LY75: variants seen among roughly 807,000 people sequenced by gnomAD.
The protein encoded by LY75 is lymphocyte antigen 75.
LY75 carries 185 observed loss-of-function variants against 231.7 expected under a neutral mutation model. That is an observed-to-expected ratio of 0.80 (90% CI 0.71 to 0.90). The LOEUF (loss-of-function observed/expected upper bound fraction) is 0.90. Ranked by LOEUF, LY75 falls within the 40% of genes least tolerant of loss-of-function variation. LY75 has a pLI of 0.00. For missense variants in LY75, 1,947 were observed against 2,050.2 expected (o/e 0.95, Z 0.97); for synonymous variants, 668 against 689.0 (o/e 0.97, Z 0.48).
At chr2:159,828,851 G>T (rs988358169) in intron 28 of LY75, among the ~76,000 whole-genome samples, 2 of 152,142 alleles carry the variant, frequency 1.3e-5, no homozygotes, top group African/African-American at 2.4e-5. Context: ...CTACAATGTG[G>T]ATAAACCTTA....
chr2:159,897,607 G>T (rs578239753), intron 2 of LY75, among the ~76,000 whole-genome samples: 1 of 152,290 alleles, frequency 6.6e-6, no homozygotes, highest in East Asian at 1.9e-4. Flanking sequence ...GAAAGTATGG[G>T]AGCAAGCTGC....
At chr2:159,859,487 T>A (rs189354927) in intron 15 of LY75, among the ~76,000 whole-genome samples, 176 of 152,336 alleles carry the variant, frequency 1.2e-3, no homozygotes, top group African/African-American at 3.7e-3. Flanking sequence ...GCCCTTTTTT[T>A]AAAAATATAC....
At chr2:159,865,795 G>A (rs944838735) in intron 13 of LY75, among the ~76,000 whole-genome samples, 1 of 152,100 alleles carries the variant, frequency 6.6e-6, no homozygotes, top group African/African-American at 2.4e-5. Flanking sequence ...TGGCCAAGAG[G>A]AAGAAGGGTA....
chr2:159,898,991 C>T lies in LY75; in HGVS notation c.163G>A (p.Val55Ile), dbSNP rs770632722. The change falls in exon 2 of 35, where the codon GTA becomes ATA. Residue 55 changes from valine (V) to isoleucine (I), a missense_variant. Physicochemically the swap from Val to Ile is conservative, Grantham distance 29 (BLOSUM62 3). Coordinates refer to ENST00000263636, the MANE Select transcript of LY75 (RefSeq NM_002349.4). ...KCIKPVYGWI[V>I]ADDCDETEDK... is the part of the protein sequence containing the mutation. ...TCAGTTTCATCACAGTCGTCTGCTA[C>T]TATCCAGCCATACACTGGCTTGATG... 2 of 1,614,258 alleles carry T rather than the reference C, an allele frequency of 1.2e-6. No homozygotes were observed. The highest frequency in any genetic ancestry group is 1.7e-6 in the Non-Finnish European group (2 of 1,180,044).
chr2:159,876,545 A>G lies in LY75; in HGVS notation c.1775-902T>C, dbSNP rs182849868. 8.2e-4 allele frequency among the ~76,000 whole-genome samples: 125 copies of G among 152,250 alleles called. 1 individual carries two copies. The highest frequency in any genetic ancestry group is 2.9e-3 in the African/African-American group (119 of 41,520). ...CAGTCCTTCTATCCACGGTGTGCCC[A>G]TGATAGACCAAGTTGGCTGAGGATG... On this transcript the variant is annotated intron_variant, in intron 11 of 34. Coordinates refer to ENST00000263636, the MANE Select transcript of LY75 (RefSeq NM_002349.4).
intron 25 of LY75, among the ~76,000 whole-genome samples, chr2:159,840,065 T>A (rs1272194594): frequency 6.8e-6 from 1 of 146,612 alleles, no homozygotes. Context: ...TTTAACACTA[T>A]CCATAGTGCT....
At position 159,803,464 on chromosome 2, in the gene LY75, T is replaced by C. The variant is rs936904389; in HGVS notation, c.*1580A>G. 1.3e-5 allele frequency: 2 copies of C among 152,186 alleles called. No homozygotes were observed. Among genetic ancestry groups the C allele is most frequent in the Non-Finnish European group, 2.9e-5 (2 of 68,038 alleles). 9.4% of individuals were successfully genotyped at this position (152,186 alleles called of 1,614,324 possible). A position where few individuals can be genotyped will look rare whatever the true frequency, so the allele number is the denominator to read the frequency against. On this transcript the variant is annotated 3_prime_UTR_variant, in exon 35 of 35. Transcript: ENST00000263636. ...GTTCTTGGAGGAAAGTCTTAGTGACTAAAATTGTACACAGATCACAGGACA... is the reference window on the plus strand; with the variant it reads ...GTTCTTGGAGGAAAGTCTTAGTGACCAAAATTGTACACAGATCACAGGACA...
At position 159,893,974 on chromosome 2, in the gene LY75, A is replaced by G. The variant is rs1314158520; in HGVS notation, c.577T>C (p.Trp193Arg). Residue 193 changes from tryptophan (W) to arginine (R), a missense_variant, in exon 3 of 35, where the codon TGG becomes CGG. Trp to Arg is a moderately radical substitution (Grantham distance 101). Coordinates refer to ENST00000263636, the MANE Select transcript of LY75 (RefSeq NM_002349.4). ...CILDEDHSGP[W>R]CATTLNYEYD... Reference sequence around the variant, plus strand: ...TCATAATTTAAGGTGGTGGCACACCATGGCCCACTATGATCTTCATCAAGA... The same window carrying G: ...TCATAATTTAAGGTGGTGGCACACCGTGGCCCACTATGATCTTCATCAAGA... 5.6e-6 allele frequency: 9 copies of G among 1,613,808 alleles called. No homozygotes were observed. Among genetic ancestry groups the G allele is most frequent in the Non-Finnish European group, 7.6e-6 (9 of 1,179,882 alleles).
chr2:159,852,261 G>A lies in LY75; in HGVS notation c.2823C>T (p.Tyr941=), dbSNP rs749860011. ...GCACTTTAGCTGCAGAATCTGGGCT[G>A]TATTTCTCTAACGAAGAAACATTAT... ...EKYNVSSLEK[Y]SPDSAAKVQC... is the part of the protein sequence containing the mutation. Residue 941 remains tyrosine, a synonymous_variant, in exon 21 of 35, where the codon TAC becomes TAT. Transcript: ENST00000263636. 5.6e-6 allele frequency: 9 copies of A among 1,613,930 alleles called. No homozygotes were observed. In the East Asian group the frequency reaches 1.6e-4, roughly 28 times the overall value.
At chr2:159,830,219 T>C (rs1159133410) in intron 28 of LY75, among the ~76,000 whole-genome samples, 2 of 152,188 alleles carry the variant, frequency 1.3e-5, no homozygotes, top group South Asian at 2.1e-4. Context: ...AAGAAACAGA[T>C]GGGTTAGAGA....
intron 28 of LY75, among the ~76,000 whole-genome samples, chr2:159,821,497 T>C (rs1683286721): frequency 6.6e-6 from 1 of 151,358 alleles, no homozygotes; most frequent in Non-Finnish European, 1.5e-5. Context: ...TTGTCTGTAA[T>C]ACCAGGTACT....
At position 159,878,704 on chromosome 2, in the gene LY75, T is replaced by C; in HGVS notation, c.1533A>G (p.Gly511=). The change falls in exon 10 of 35, where the codon GGA becomes GGG. Residue 511 remains glycine (G), a synonymous_variant. Coordinates refer to ENST00000263636, the MANE Select transcript of LY75 (RefSeq NM_002349.4). ...CCTCATAAATCTTGTAACAGGTTTC[T>C]CCATGTCTCTTCCAGCCCTAAGTCA... ...CPPDEGWKRH[G]ETCYKIYEDE... 1 of 1,613,950 alleles carries C rather than the reference T, an allele frequency of 6.2e-7. No individual in the cohort carries two copies. Among genetic ancestry groups the C allele is most frequent in the Non-Finnish European group, 8.5e-7 (1 of 1,179,898 alleles).
intron 3 of LY75, among the ~76,000 whole-genome samples, chr2:159,891,466 C>A (rs1685754467): frequency 6.6e-6 from 1 of 152,188 alleles, no homozygotes; most frequent in Non-Finnish European, 1.5e-5. Context: ...TGAGGCCCTA[C>A]ACTTGTAAAT....
intron 2 of LY75, 92 bp downstream of exon 2, chr2:159,898,596 G>A (rs1685969275): frequency 5.9e-6 from 9 of 1,529,314 alleles, no homozygotes; most frequent in South Asian, 1.3e-5. Flanking sequence ...CCTTACTAAT[G>A]TACGACTCTA....
chr2:159,883,968 C>T (rs1466911627), intron 6 of LY75, among the ~76,000 whole-genome samples: 1 of 152,146 alleles, frequency 6.6e-6, no homozygotes, highest in Non-Finnish European at 1.5e-5. Context: ...TTGGCTGTGT[C>T]CTCACCCAAA....
intron 4 of LY75, 82 bp from the exon 5 acceptor site, chr2:159,886,612 A>G (rs1013862284): frequency 2.0e-5 from 27 of 1,353,470 alleles, no homozygotes; most frequent in Non-Finnish European, 2.6e-5. Flanking sequence ...CTAATAACAA[A>G]CAAATCTGCA....
chr2:159,843,098 CT>C (rs939355876), intron 23 of LY75, among the ~76,000 whole-genome samples: 20 of 151,314 alleles, frequency 1.3e-4, no homozygotes, highest in African/African-American at 1.7e-4. Context: ...AATATATTCT[CT>C]TTTTTTTAAA....
At chr2:159,825,016 A>T (rs181021604) in intron 28 of LY75, among the ~76,000 whole-genome samples, 27 of 152,330 alleles carry the variant, frequency 1.8e-4, no homozygotes, top group African/African-American at 6.3e-4. Context: ...GAAAGATCTA[A>T]AATTAACACC....
chr2:159,875,466 G>A lies in LY75; in HGVS notation c.1952C>T (p.Pro651Leu), dbSNP rs908550756. 7 of 1,613,342 alleles carry A rather than the reference G, an allele frequency of 4.3e-6. No individual in the cohort carries two copies. The highest frequency in any genetic ancestry group is 1.3e-5 in the African/African-American group (1 of 74,952). Reference protein sequence around the residue: ...DPCPEGWQSFPASLSCYKVFH... With the variant: ...DPCPEGWQSFLASLSCYKVFH... ...TACCTTATAACAAGAAAGACTTGCGGGGAAACTCTGCCAGCCTTCAGGACA... is the reference window on the plus strand; with the variant it reads ...TACCTTATAACAAGAAAGACTTGCGAGGAAACTCTGCCAGCCTTCAGGACA... The change falls in exon 12 of 35, where the codon CCC (proline) becomes CTC (leucine). Residue 651 changes from proline to leucine, a missense_variant. By Grantham distance (98) the Pro-to-Leu change is moderately conservative (BLOSUM62 -3). Transcript: ENST00000263636.
Sources: allele counts gnomAD v4.1 joint callset (sites outside exome capture counted in the v4.1 genomes callset), GRCh38; gene constraint gnomAD v4.1.1; transcripts MANE v1.5; gene names NCBI Gene and HGNC (gene_info 2026-07-23, HGNC 2026-07-21).